The following CFAP298 variants were observed in gnomAD, a reference collection of about 807,000 sequenced individuals.
CFAP298 encodes cilia and flagella associated protein 298.
CFAP298 carries 38 observed loss-of-function variants against 41.0 expected under a neutral mutation model. The ratio of observed to expected loss-of-function variants is 0.93; its 90% CI spans 0.72 to 1.22. The LOEUF (loss-of-function observed/expected upper bound fraction) is 1.22, where lower values mean the gene tolerates loss of function less well. Among genes scored for constraint, CFAP298 ranks in the 50% most tolerant of loss-of-function variants. The pLI is 0.00. For missense variants in CFAP298, 348 were observed against 360.3 expected (o/e 0.97, Z 0.28); for synonymous variants, 137 against 135.3 (o/e 1.01, Z -0.09).
At chr21:32,607,272 G>C (rs1568994802) in intron 3 of CFAP298, among the ~76,000 whole-genome samples, 2 of 152,108 alleles carry the variant, frequency 1.3e-5, no homozygotes, top group South Asian at 4.1e-4. Flanking sequence ...GGCAACTCTG[G>C]AAGCCAGAGT....
Position 32,600,391 on chromosome 21 carries a change from C to A in CFAP298, c.*1472G>T, listed in dbSNP as rs2038715633. On this transcript the variant is annotated 3_prime_UTR_variant, in exon 7 of 7. Coordinates refer to ENST00000290155, the MANE Select transcript of CFAP298 (RefSeq NM_021254.4). Reference sequence around the variant, plus strand: ...CGCCTGGCAGCAGGCAGGAACCAAACCCCTGCCACCTCCACTCACTCCCAG... The same window carrying A: ...CGCCTGGCAGCAGGCAGGAACCAAAACCCTGCCACCTCCACTCACTCCCAG... Among the ~76,000 whole-genome samples the A allele has an allele frequency of 6.6e-6, 1 of 152,228 alleles. No individual in the cohort carries two copies. Among genetic ancestry groups the A allele is most frequent in the Non-Finnish European group, 1.5e-5 (1 of 68,034 alleles).
At chr21:32,603,879 A>G (rs2038807889) in intron 4 of CFAP298, among the ~76,000 whole-genome samples, 2 of 152,108 alleles carry the variant, frequency 1.3e-5, no homozygotes, top group Admixed American at 6.5e-5. Context: ...GTTTGCAGTC[A>G]CTCCTGATGA....
chr21:32,608,106 G>A (rs1278260155), intron 2 of CFAP298, among the ~76,000 whole-genome samples: 2 of 151,824 alleles, frequency 1.3e-5, no homozygotes, highest in African/African-American at 4.8e-5. Context: ...AAATAACTGG[G>A]GTAGCTGCGT....
chr21:32,605,234 C>T (rs2038842541), intron 3 of CFAP298, among the ~76,000 whole-genome samples: 1 of 152,184 alleles, frequency 6.6e-6, no homozygotes, highest in Non-Finnish European at 1.5e-5. Context: ...CTGAAGAGTA[C>T]AGAGGAAGGT....
rs2038712788 is a variant in CFAP298 at position 32,600,197 on chromosome 21, T to C, written c.*1666A>G. Among the ~76,000 whole-genome samples, 1 of 152,188 alleles carries C rather than the reference T, an allele frequency of 6.6e-6. No individual in the cohort carries two copies. Among genetic ancestry groups the C allele is most frequent in the Non-Finnish European group, 1.5e-5 (1 of 68,042 alleles). ...ATCATCCAAGGTCAAAACCCTTTCA[T>C]AGAGACATTTAAAACTATAACCAAG... On this transcript the variant is annotated 3_prime_UTR_variant, in exon 7 of 7. Transcript: ENST00000290155.
intron 1 of CFAP298, among the ~76,000 whole-genome samples, chr21:32,611,424 T>G (rs906149248): frequency 3.4e-5 from 5 of 145,568 alleles, no homozygotes; most frequent in Non-Finnish European, 5.9e-5. Context: ...TATTTATATA[T>G]ATTTAATTAA....
intron 1 of CFAP298, among the ~76,000 whole-genome samples, chr21:32,610,827 T>C (rs1197885751): frequency 6.6e-6 from 1 of 151,456 alleles, no homozygotes; most frequent in Non-Finnish European, 1.5e-5. Flanking sequence ...TGCAATTTAA[T>C]AAATCACATA....
rs968463651 is a variant in CFAP298, at chr21:32,609,145, C to G, written c.307+693G>C. Among the ~76,000 whole-genome samples the G allele has an allele frequency of 2.6e-5, 4 of 152,198 alleles. No homozygotes were observed. In the East Asian group the frequency reaches 7.7e-4, roughly 29 times the overall value. Reference sequence around the variant, plus strand: ...AAGTCCATGTGCTGACATGCTTTCCCTTTCCTCTTTCACACAGTCCATCTC... The same window carrying G: ...AAGTCCATGTGCTGACATGCTTTCCGTTTCCTCTTTCACACAGTCCATCTC... On this transcript the variant is annotated intron_variant, in intron 2 of 6. Transcript: ENST00000290155.
At chr21:32,602,892 C>T (rs1568991434) in intron 5 of CFAP298, 2 of 1,342,116 alleles carry the variant, frequency 1.5e-6, no homozygotes, top group African/African-American at 2.9e-5. Flanking sequence ...TATCTGTTTA[C>T]TTGCAGCCCT....
rs2038756429 is a variant in CFAP298, at chr21:32,602,168, C to T, written c.762+104G>A. On this transcript the variant is annotated intron_variant, in intron 6 of 6. Transcript: ENST00000290155. ...AGACAGAAGCTCTAGAAAGACCCCT[C>T]CCCGGCATTCTGCAGAGCTCACTGC... The T allele has an allele frequency of 5.2e-6, 6 of 1,163,506 alleles. No homozygotes were observed. The South Asian group carries it at 7.7e-5, about 15-fold the overall frequency. 72.1% of individuals were successfully genotyped at this position (1,163,506 alleles called of 1,614,324 possible).
At chr21:32,611,991 C>CA (rs1386861447) in intron 1 of CFAP298, 114 bp downstream of exon 1, 9 of 1,251,082 alleles carry the variant, frequency 7.2e-6, no homozygotes, top group Non-Finnish European at 7.3e-6. Context: ...CCGGCTGCTG[C>CA]AAATCTCTTC....
chr21:32,611,718 C>T (rs67057471), intron 1 of CFAP298, among the ~76,000 whole-genome samples: 13,799 of 152,094 alleles, frequency 0.091, 923 homozygotes, highest in African/African-American at 0.19. Flanking sequence ...CATTGGGCGA[C>T]TAAAAATAGT....
chr21:32,600,735 G>A lies in CFAP298; in HGVS notation c.*1128C>T, dbSNP rs774196563. Among the ~76,000 whole-genome samples the A allele has an allele frequency of 4.6e-5, 7 of 152,210 alleles. No homozygotes were observed. Among genetic ancestry groups the A allele is most frequent in the Non-Finnish European group, 1.0e-4 (7 of 68,040 alleles). On this transcript the variant is annotated 3_prime_UTR_variant, in exon 7 of 7. Coordinates refer to ENST00000290155, the MANE Select transcript of CFAP298 (RefSeq NM_021254.4). ...AGTGATCCCATCCATCCCGTGGTTG[G>A]TCACTGAGCTGCGTACGAAGCTGGC...
In CFAP298 at chr21:32,601,726, A is replaced by C. The variant is rs1199381942; in HGVS notation, c.*137T>G. ...ACCTTGAATAACTGCTATTTTAAAA[A>C]TTCACACTAAAAGAAAACTAGAAAT... is the stretch of plus-strand genomic sequence containing the variant. On this transcript the variant is annotated 3_prime_UTR_variant, in exon 7 of 7. Coordinates refer to ENST00000290155, the MANE Select transcript of CFAP298 (RefSeq NM_021254.4). 1.8e-6 allele frequency: 1 copy of C among 568,578 alleles called. No individual in the cohort carries two copies. The highest frequency in any genetic ancestry group is 1.9e-5 in the African/African-American group (1 of 53,618). 35.2% of individuals were successfully genotyped at this position (568,578 alleles called of 1,614,324 possible).
chr21:32,602,818 C>A, intron 5 of CFAP298: 1 of 1,391,458 alleles, frequency 7.2e-7, no homozygotes, highest in Non-Finnish European at 9.3e-7. Flanking sequence ...CTCCTGTACA[C>A]AGCATCAGCA....
At position 32,600,555 on chromosome 21, in the gene CFAP298, C is replaced by G. The variant is rs2146545031; in HGVS notation, c.*1308G>C. On this transcript the variant is annotated 3_prime_UTR_variant, in exon 7 of 7. Coordinates refer to ENST00000290155, the MANE Select transcript of CFAP298 (RefSeq NM_021254.4). ...AACCAGGAGAACAGGACCCTAGGCA[C>G]CAAAAGTCAAGCATGAGGGACTGCC... is the stretch of plus-strand genomic sequence containing the variant. 7.2e-6 allele frequency among the ~76,000 whole-genome samples: 1 copy of G among 139,636 alleles called. No individual in the cohort carries two copies. The highest frequency in any genetic ancestry group is 1.9e-4 in the East Asian group (1 of 5,182). 91.6% of individuals were successfully genotyped at this position (139,636 alleles called of 152,430 possible).
rs1491095261 is a variant in CFAP298 at position 32,611,341 on chromosome 21, T to TATATATATATATATATA, written c.139+763_139+764insTATATATATATATATAT. 6.3e-4 allele frequency among the ~76,000 whole-genome samples: 75 copies of TATATATATATATATATA among 118,404 alleles called. 2 individuals carry two copies. The highest frequency in any genetic ancestry group is 2.1e-3 in the African/African-American group (51 of 24,504). The allele number at this position is 118,404 out of a possible 152,430, so 77.7% of individuals were successfully genotyped here. A position where few individuals can be genotyped will look rare whatever the true frequency, so the allele number is the denominator to read the frequency against. ...ACCATATATATATATATATATATAA[T>TATATATATATATATATA]TTATTTATATTTATATATACATATA... On this transcript the variant is annotated intron_variant, in intron 1 of 6. Coordinates refer to ENST00000290155, the MANE Select transcript of CFAP298 (RefSeq NM_021254.4).
intron 1 of CFAP298, among the ~76,000 whole-genome samples, chr21:32,611,645 A>G (rs1252192679): frequency 6.6e-6 from 1 of 151,982 alleles, no homozygotes; most frequent in Non-Finnish European, 1.5e-5. Flanking sequence ...AGGGCGGGGA[A>G]AGATCACCAA....
In CFAP298 at chr21:32,602,327, C is replaced by A. The variant is rs769669889; in HGVS notation, c.707G>T (p.Ser236Ile). The A allele has an allele frequency of 6.2e-7, 1 of 1,614,032 alleles. No homozygotes were observed. The highest frequency in any genetic ancestry group is 1.7e-5 in the Admixed American group (1 of 60,036). The change falls in exon 6 of 7, where the codon AGT becomes ATT. Residue 236 changes from serine to isoleucine, a missense_variant. Ser to Ile is a moderately radical substitution (Grantham distance 142). Coordinates refer to ENST00000290155, the MANE Select transcript of CFAP298 (RefSeq NM_021254.4). ...CAGCATCAGCTGCTTCTGCTCCTCACTGCTAATAATAGGCTCTCGGGCTGG... is the reference window on the plus strand; with the variant it reads ...CAGCATCAGCTGCTTCTGCTCCTCAATGCTAATAATAGGCTCTCGGGCTGG... Reference protein sequence around the residue: ...GAPAREPIISSEEQKQLMLYY... With the variant: ...GAPAREPIISIEEQKQLMLYY...
Sources: allele counts gnomAD v4.1 joint callset (sites outside exome capture counted in the v4.1 genomes callset), GRCh38; gene constraint gnomAD v4.1.1; transcripts MANE v1.5; gene names NCBI Gene and HGNC (gene_info 2026-07-23, HGNC 2026-07-21).